Variants in CYP4F12 observed in about 807,000 individuals in gnomAD.
The protein encoded by CYP4F12 is cytochrome P450 family 4 subfamily F member 12.
In CYP4F12, 60 loss-of-function variants were observed where a neutral mutation model predicts 56.5. The observed-to-expected ratio is 1.06, with a 90% CI of 0.86 to 1.32. The LOEUF is 1.32. Ranked by LOEUF, CYP4F12 falls within the 40% of genes most tolerant of loss-of-function variation. CYP4F12 has a pLI of 0.00. For synonymous variants in CYP4F12, 263 were observed against 264.9 expected (o/e 0.99, Z 0.07); for missense variants, 711 against 683.5 (o/e 1.04, Z -0.45).
intron 7 of CYP4F12, 37 bp from the exon 8 acceptor site, chr19:15,684,779 T>TGC (rs780902342): frequency 4.1e-6 from 6 of 1,469,578 alleles, no homozygotes; most frequent in Non-Finnish European, 5.6e-6. Context: ...TGTGTGTGTG[T>TGC]GTGTGTGTGT....
At position 15,677,743 on chromosome 19, in the gene CYP4F12, C is replaced by CATTCTTCTGCTCACTCACTG. The variant is rs2007045064; in HGVS notation, c.199-514_199-513insTTCTGCTCACTCACTGATTC. On this transcript the variant is annotated intron_variant, in intron 2 of 12. Coordinates refer to ENST00000550308, the MANE Select transcript of CYP4F12 (RefSeq NM_023944.4). Reference sequence around the variant, plus strand: ...ACACTCATTCCTCTCCTCACTCACTCATTCCTCTACCCATGCACTCATTCT... The same window carrying CATTCTTCTGCTCACTCACTG: ...ACACTCATTCCTCTCCTCACTCACTCATTCTTCTGCTCACTCACTGATTCCTCTACCCATGCACTCATTCT... Among the ~76,000 whole-genome samples, 35 of 25,508 alleles carry CATTCTTCTGCTCACTCACTG rather than the reference C, an allele frequency of 1.4e-3. 2 individuals are homozygous for CATTCTTCTGCTCACTCACTG. Among genetic ancestry groups the CATTCTTCTGCTCACTCACTG allele is most frequent in the South Asian group, 6.5e-3 (5 of 766 alleles). The allele number at this position is 25,508 out of a possible 152,430, so 16.7% of individuals were successfully genotyped here.
intron 7 of CYP4F12, chr19:15,683,980 C>A: frequency 2.2e-6 from 1 of 461,994 alleles, no homozygotes; most frequent in Non-Finnish European, 3.7e-6. Flanking sequence ...TTTTATTCAA[C>A]TTATAAGTTA....
At chr19:15,687,426 T>C (rs2007670319) in intron 9 of CYP4F12, among the ~76,000 whole-genome samples, 1 of 152,178 alleles carries the variant, frequency 6.6e-6, no homozygotes, top group Admixed American at 6.5e-5. Flanking sequence ...GTGTATAAAA[T>C]AGACACAGTA....
intron 5 of CYP4F12, chr19:15,681,128 G>A (rs1247728144): frequency 6.0e-6 from 1 of 167,914 alleles, no homozygotes; most frequent in African/African-American, 2.4e-5. Flanking sequence ...CAATGTCTGT[G>A]GACATTGTCT....
intron 12 of CYP4F12, 41 bp downstream of exon 12, chr19:15,696,553 G>T (rs2008151200): frequency 1.3e-6 from 2 of 1,581,184 alleles, no homozygotes; most frequent in Admixed American, 2.0e-5. Flanking sequence ...GGGATGATGG[G>T]TGCGGGAGTT....
intron 9 of CYP4F12, among the ~76,000 whole-genome samples, chr19:15,685,548 G>C (rs1237131622): frequency 6.6e-6 from 1 of 152,166 alleles, no homozygotes; most frequent in Non-Finnish European, 1.5e-5. Context: ...CTCAGGTGGG[G>C]AGGGAGAAGT....
At chr19:15,678,224 C>A (rs28416595) in intron 2 of CYP4F12, 37 bp from the exon 3 acceptor site, 1,499,856 of 1,612,748 alleles carry the variant, frequency 0.93, 697,736 homozygotes, top group East Asian at 1. Flanking sequence ...CTAAAATTAA[C>A]CATCACAGGA....
intron 7 of CYP4F12, chr19:15,684,577 A>T (rs2007496247): frequency 9.0e-6 from 4 of 446,916 alleles, no homozygotes; most frequent in African/African-American, 2.0e-5. Context: ...AGAACCATTG[A>T]TTCCTGTCAC....
intron 9 of CYP4F12, among the ~76,000 whole-genome samples, chr19:15,694,181 T>G (rs1295279464): frequency 2.0e-5 from 3 of 146,902 alleles, no homozygotes; most frequent in Non-Finnish European, 1.5e-5. Context: ...GGCTCCTTTT[T>G]GGTGCCATAT....
chr19:15,690,753 T>C (rs2007832275), intron 9 of CYP4F12, among the ~76,000 whole-genome samples: 1 of 152,196 alleles, frequency 6.6e-6, no homozygotes, highest in Non-Finnish European at 1.5e-5. Flanking sequence ...GAACAGTTTC[T>C]TCTTGCACTC....
chr19:15,677,771 TC>T (rs2007049221), intron 2 of CYP4F12, among the ~76,000 whole-genome samples: 4 of 143,614 alleles, frequency 2.8e-5, no homozygotes, highest in African/African-American at 1.2e-4. Flanking sequence ...CTCATTCTTC[TC>T]CTCACTCATT....
chr19:15,689,170 G>C (rs879635326), intron 9 of CYP4F12, among the ~76,000 whole-genome samples: 7 of 99,180 alleles, frequency 7.1e-5, no homozygotes, highest in African/African-American at 3.2e-4. Context: ...ACAACCTACA[G>C]AGTGGGGGAA....
intron 9 of CYP4F12, among the ~76,000 whole-genome samples, chr19:15,689,143 A>AATAATCATCATCATCATCATC (rs146012868): frequency 3.3e-5 from 5 of 150,770 alleles, no homozygotes; most frequent in Admixed American, 6.6e-5. Flanking sequence ...TAATAATAAT[A>AATAATCATCATCATCATCATC]ATAGCCGACT....
At chr19:15,679,901 G>A (rs2007189346) in intron 3 of CYP4F12, among the ~76,000 whole-genome samples, 1 of 152,212 alleles carries the variant, frequency 6.6e-6, no homozygotes, top group South Asian at 2.1e-4. Flanking sequence ...GTCAGGAGAT[G>A]ACAGAGAGTG....
At chr19:15,694,456 G>A (rs2008027249) in intron 9 of CYP4F12, among the ~76,000 whole-genome samples, 1 of 150,416 alleles carries the variant, frequency 6.6e-6, no homozygotes, top group African/African-American at 2.5e-5. Flanking sequence ...AAGCAGTTGT[G>A]AATGGGAGTT....
Position 15,682,473 on chromosome 19 carries a change from C to G in CYP4F12, c.610C>G (p.Gln204Glu). The G allele has an allele frequency of 6.2e-7, 1 of 1,613,872 alleles. No individual in the cohort carries two copies. The highest frequency in any genetic ancestry group is 2.2e-5 in the East Asian group (1 of 44,868). The change falls in exon 6 of 13, where the codon CAG becomes GAG. Residue 204 changes from glutamine to glutamate, a missense_variant. Transcript: ENST00000550308. Reference sequence around the variant, plus strand: ...CAGCCTCATGACCTTGGACAGTCTACAGAAATGCATCTTCAGCTTTGACAG... The same window carrying G: ...CAGCCTCATGACCTTGGACAGTCTAGAGAAATGCATCTTCAGCTTTGACAG... The part of the protein sequence containing the change: ...HISLMTLDSL[Q>E]KCIFSFDSHC...
chr19:15,684,278 C>T (rs628776), intron 7 of CYP4F12: 2,890 of 155,390 alleles, frequency 0.019, 3 homozygotes, highest in African/African-American at 0.067. Context: ...TTCTTTATTA[C>T]AGGGTGAAAG....
intron 9 of CYP4F12, among the ~76,000 whole-genome samples, chr19:15,691,085 A>T (rs1292891762): frequency 6.6e-6 from 1 of 152,200 alleles, no homozygotes; most frequent in African/African-American, 2.4e-5. Flanking sequence ...ACTTGCGTAA[A>T]CATTTCCAAT....
rs558568284 is a variant in CYP4F12, at chr19:15,683,860, G to A, written c.918+97G>A. ...GGTTTTGATCCAAAGGGCACTGGGAGCCATGGAAGATGCTTGAGAAAGGGA... is the reference window on the plus strand; with the variant it reads ...GGTTTTGATCCAAAGGGCACTGGGAACCATGGAAGATGCTTGAGAAAGGGA... On this transcript the variant is annotated intron_variant, in intron 7 of 12. Transcript: ENST00000550308. The A allele has an allele frequency of 4.5e-4, 652 of 1,441,988 alleles. 1 individual carries two copies. Among genetic ancestry groups the A allele is most frequent in the Non-Finnish European group, 4.2e-4 (457 of 1,092,294 alleles). 89.3% of individuals were successfully genotyped at this position (1,441,988 alleles called of 1,614,324 possible).
Sources: allele counts gnomAD v4.1 joint callset (sites outside exome capture counted in the v4.1 genomes callset), GRCh38; gene constraint gnomAD v4.1.1; transcripts MANE v1.5; gene names NCBI Gene and HGNC (gene_info 2026-07-23, HGNC 2026-07-21).